Variants in CD163L1 observed in about 807,000 individuals in gnomAD.
CD163L1 encodes scavenger receptor cysteine-rich type 1 protein M160.
CD163L1 carries 124 observed loss-of-function variants against 165.4 expected under a neutral mutation model. The ratio of observed to expected loss-of-function variants is 0.75; its 90% CI spans 0.65 to 0.87. The LOEUF (loss-of-function observed/expected upper bound fraction) is 0.87, where lower values mean the gene tolerates loss of function less well. CD163L1 is among the 40% of genes least tolerant of loss of function. The probability of loss-of-function intolerance (pLI) is 0.00; values close to 1 mark genes in which losing one functional copy is unlikely to be tolerated. For synonymous variants in CD163L1, 585 were observed against 662.2 expected (o/e 0.88, Z 1.79); for missense variants, 1,525 against 1,799.9 (o/e 0.85, Z 2.76).
intron 4 of CD163L1, among the ~76,000 whole-genome samples, chr12:7,421,359 GTATATATGTATATATACATTTGGAAGA>G (rs1218827628): frequency 1.1e-5 from 1 of 95,086 alleles, no homozygotes; most frequent in East Asian, 2.9e-4. Flanking sequence ...ATATATATGT[GTATATATGTATATATACATTTGGAAGA>G]TATATATGTA....
intron 4 of CD163L1, among the ~76,000 whole-genome samples, chr12:7,408,432 C>T (rs12316441): frequency 0.11 from 17,388 of 151,994 alleles, 1,874 homozygotes; most frequent in African/African-American, 0.28. Context: ...AATAGAATGT[C>T]ACATTAGCAA....
intron 9 of CD163L1, among the ~76,000 whole-genome samples, chr12:7,378,083 C>T (rs1009833605): frequency 6.6e-6 from 1 of 152,184 alleles, no homozygotes; most frequent in African/African-American, 2.4e-5. Flanking sequence ...CTCTAAACTG[C>T]TCCTCTTCCA....
At chr12:7,433,323 AT>A in intron 3 of CD163L1, 50 bp downstream of exon 3, 3 of 1,478,478 alleles carry the variant, frequency 2.0e-6, no homozygotes, top group South Asian at 2.7e-5. Flanking sequence ...CCAGCAGATG[AT>A]TCCTGAGGGT....
chr12:7,387,030 A>G (rs1947534876), intron 8 of CD163L1, among the ~76,000 whole-genome samples: 1 of 152,232 alleles, frequency 6.6e-6, no homozygotes, highest in East Asian at 1.9e-4. Context: ...AGAGAAAGTC[A>G]AATTGTCCAT....
the CD163L1 span, chr12:7,328,334 A>C: frequency 1.3e-6 from 2 of 1,595,722 alleles, no homozygotes; most frequent in South Asian, 2.3e-5. Flanking sequence ...GGAAAATCAA[A>C]CGCAACGTTT....
chr12:7,415,753 A>C (rs1474645243), intron 4 of CD163L1, among the ~76,000 whole-genome samples: 2 of 152,162 alleles, frequency 1.3e-5, no homozygotes, highest in Non-Finnish European at 2.9e-5. Context: ...AAAGGACATA[A>C]ACTCACCCGT....
At chr12:7,435,089 T>TAC (rs76941329) in intron 2 of CD163L1, among the ~76,000 whole-genome samples, 44 of 151,788 alleles carry the variant, frequency 2.9e-4, no homozygotes, top group Admixed American at 2.0e-4. Context: ...ATGTAGTTGA[T>TAC]ACACACACAC....
At chr12:7,424,174 T>C (rs1345133251) in intron 4 of CD163L1, among the ~76,000 whole-genome samples, 2 of 151,946 alleles carry the variant, frequency 1.3e-5, no homozygotes, top group African/African-American at 2.4e-5. Flanking sequence ...TGGTTCAACA[T>C]ACACAAATCA....
Position 7,403,549 on chromosome 12 carries a change from C to T in CD163L1, c.1394G>A (p.Gly465Glu), listed in dbSNP as rs2136522610. The T allele has an allele frequency of 1.2e-6, 2 of 1,612,318 alleles. No homozygotes were observed. Among genetic ancestry groups the T allele is most frequent in the East Asian group, 4.5e-5 (2 of 44,872 alleles). ...TTGAACCTTACCAGAACAAATTACT[C>T]CAGCATCTGATCTTCGGAAGCATGT... Reference protein sequence around the residue: ...KRTCFRRSDAGVICSDKADLD... With the variant: ...KRTCFRRSDAEVICSDKADLD... Residue 465 changes from glycine to glutamate, a missense_variant, in exon 6 of 20, where the codon GGA becomes GAA. Transcript: ENST00000313599.
the CD163L1 span, chr12:7,324,398 T>C: frequency 6.2e-7 from 1 of 1,614,108 alleles, no homozygotes; most frequent in Non-Finnish European, 8.5e-7. Context: ...TTATATCCTC[T>C]GGGTTTGTAT....
intron 4 of CD163L1, among the ~76,000 whole-genome samples, chr12:7,421,368 T>TAC (rs1266251425): frequency 4.1e-4 from 47 of 114,632 alleles, no homozygotes; most frequent in Non-Finnish European, 6.5e-4. Context: ...TGTATATATG[T>TAC]ATATATACAT....
intron 6 of CD163L1, 100 bp downstream of exon 6, chr12:7,403,435 A>G: frequency 8.6e-7 from 1 of 1,160,224 alleles, no homozygotes; most frequent in Non-Finnish European, 1.2e-6. Flanking sequence ...TTTTTTTTTA[A>G]GGTCCAGAAA....
chr12:7,393,118 A>G (rs1446145114), intron 8 of CD163L1, among the ~76,000 whole-genome samples: 1 of 152,208 alleles, frequency 6.6e-6, no homozygotes, highest in East Asian at 1.9e-4. Context: ...AGACAAAACA[A>G]AAAAAGGGAA....
intron 8 of CD163L1, among the ~76,000 whole-genome samples, chr12:7,390,449 G>A (rs181793946): frequency 6.4e-4 from 97 of 152,258 alleles, no homozygotes; most frequent in Middle Eastern, 3.4e-3. Flanking sequence ...AGCATTCCAT[G>A]CTTGAGTTAA....
chr12:7,421,794 C>A (rs1948445560), intron 4 of CD163L1, among the ~76,000 whole-genome samples: 1 of 147,236 alleles, frequency 6.8e-6, no homozygotes, highest in African/African-American at 2.5e-5. Flanking sequence ...TGAAGTAACT[C>A]AGGAATGGAA....
chr12:7,349,629 T>C (rs1420687557), intron 4 of CD163L1, among the ~76,000 whole-genome samples: 2 of 152,178 alleles, frequency 1.3e-5, no homozygotes, highest in African/African-American at 4.8e-5. Context: ...CACCAAACGA[T>C]CTGACTCATG....
At chr12:7,366,521 A>G (rs1050762962) in intron 18 of CD163L1, among the ~76,000 whole-genome samples, 3 of 152,178 alleles carry the variant, frequency 2.0e-5, no homozygotes, top group South Asian at 2.1e-4. Flanking sequence ...ATGTACATCA[A>G]TACAAAAACA....
At chr12:7,383,513 C>T (rs774910265) in intron 8 of CD163L1, among the ~76,000 whole-genome samples, 2 of 152,294 alleles carry the variant, frequency 1.3e-5, no homozygotes, top group East Asian at 3.9e-4. Context: ...AATTGACCCA[C>T]CTAGATCAAC....
At chr12:7,378,436 A>T (rs1202484708) in intron 9 of CD163L1, among the ~76,000 whole-genome samples, 1 of 152,190 alleles carries the variant, frequency 6.6e-6, no homozygotes, top group East Asian at 1.9e-4. Flanking sequence ...ATGATTTATC[A>T]TTCACTTTAG....
Sources: allele counts gnomAD v4.1 joint callset (sites outside exome capture counted in the v4.1 genomes callset), GRCh38; gene constraint gnomAD v4.1.1; transcripts MANE v1.5; gene names NCBI Gene and HGNC (gene_info 2026-07-23, HGNC 2026-07-21).